RARB: variants seen among roughly 807,000 people sequenced by gnomAD.
RARB encodes the protein HBV-activated protein.
In RARB, 17 loss-of-function variants were observed where a neutral mutation model predicts 51.9. The observed-to-expected ratio is 0.33, with a 90% confidence interval of 0.22 to 0.49. The LOEUF (loss-of-function observed/expected upper bound fraction) is 0.49. Ranked by LOEUF, RARB falls within the 20% of genes least tolerant of loss-of-function variation. RARB has a pLI of 0.99. For synonymous variants in RARB, 215 were observed against 195.4 expected, an observed-to-expected ratio of 1.10 and a Z score of -0.84; for missense variants, 369 against 550.8, an observed-to-expected ratio of 0.67 and a Z score of 3.30.
chr3:25,007,587 T>G (rs1697298641), intron 2 of RARB, among the ~76,000 whole-genome samples: 1 of 22,114 alleles, frequency 4.5e-5, no homozygotes, highest in African/African-American at 4.6e-4. Context: ...AGAGTGAGAC[T>G]GTCTCAAAAA....
intron 5 of RARB, among the ~76,000 whole-genome samples, chr3:25,364,101 T>C (rs951749714): frequency 6.6e-6 from 1 of 152,226 alleles, no homozygotes; most frequent in African/African-American, 2.4e-5. Context: ...TCTTATCTTT[T>C]AGCATACTAT....
rs187130766 is a variant in RARB, at chr3:25,266,538, G to A, written c.178+91963G>A. ...CTGTACAGAAGTTTAAAATTTTTAT[G>A]CCCACATTCCTTGATCCTTTTTATC... On this transcript the variant is annotated intron_variant, in intron 5 of 11. Transcript: ENST00000383772. 4.0e-5 allele frequency among the ~76,000 whole-genome samples: 6 copies of A among 151,840 alleles called. No individual in the cohort carries two copies. The East Asian group carries it at 1.2e-3, about 29-fold the overall frequency.
intron 3 of RARB, among the ~76,000 whole-genome samples, chr3:25,110,654 C>T (rs571333363): frequency 8.7e-4 from 133 of 152,228 alleles, no homozygotes; most frequent in African/African-American, 2.8e-3. Flanking sequence ...GTAATTATGT[C>T]TTATTTCAGG....
chr3:24,981,949 G>A (rs1038793326), intron 2 of RARB, among the ~76,000 whole-genome samples: 1 of 152,202 alleles, frequency 6.6e-6, no homozygotes, highest in Non-Finnish European at 1.5e-5. Flanking sequence ...GATGGTGTTT[G>A]AGTGTCTTGA....
chr3:25,330,759 C>T (rs998600771), intron 5 of RARB, among the ~76,000 whole-genome samples: 5 of 152,106 alleles, frequency 3.3e-5, no homozygotes, highest in African/African-American at 1.2e-4. Flanking sequence ...GTGCTGTATT[C>T]AGGAGACCCA....
intron 4 of RARB, among the ~76,000 whole-genome samples, chr3:25,577,566 T>G (rs1490798802): frequency 6.6e-6 from 1 of 152,184 alleles, no homozygotes; most frequent in African/African-American, 2.4e-5. Context: ...ATTTCTTTAA[T>G]GAAAATTTAC....
rs147917367 is a variant in RARB, at chr3:25,139,381, A to G, written c.-280+7173A>G. Among the ~76,000 whole-genome samples, 5 of 152,288 alleles carry G rather than the reference A, an allele frequency of 3.3e-5. No homozygotes were observed. In the East Asian group the frequency reaches 7.7e-4, roughly 23 times the overall value. On this transcript the variant is annotated intron_variant, in intron 4 of 11. Transcript: ENST00000383772. ...TGCTACTCCAGTGAGCACACTAACA[A>G]TAATAAAATGAAACAGCCTTATTGC... is the stretch of plus-strand genomic sequence containing the variant.
intron 5 of RARB, among the ~76,000 whole-genome samples, chr3:25,258,207 T>C (rs1036839543): frequency 9.2e-5 from 14 of 152,122 alleles, no homozygotes; most frequent in Non-Finnish European, 2.9e-5. Flanking sequence ...AGTAATTCCA[T>C]GTTTCTATGT....
intron 2 of RARB, among the ~76,000 whole-genome samples, chr3:24,951,071 G>A (rs1695881460): frequency 6.6e-6 from 1 of 152,126 alleles, no homozygotes; most frequent in Admixed American, 6.5e-5. Flanking sequence ...ACTTCCCTCT[G>A]GAGAAAATGC....
At chr3:25,279,742 C>G (rs1703476810) in intron 5 of RARB, among the ~76,000 whole-genome samples, 1 of 151,964 alleles carries the variant, frequency 6.6e-6, no homozygotes, top group Admixed American at 6.6e-5. Context: ...TGGTTGAGGA[C>G]TAGTGATATA....
chr3:24,945,477 T>C (rs1695754045), intron 2 of RARB, among the ~76,000 whole-genome samples: 1 of 152,198 alleles, frequency 6.6e-6, no homozygotes, highest in Non-Finnish European at 1.5e-5. Context: ...GACTAGCATA[T>C]CTTGGGGCCC....
At chr3:25,472,195 C>G (rs1695732088) in intron 2 of RARB, among the ~76,000 whole-genome samples, 1 of 152,242 alleles carries the variant, frequency 6.6e-6, no homozygotes, top group African/African-American at 2.4e-5. Context: ...CAGCTCTTGA[C>G]TGGCAGCCTT....
At chr3:25,302,359 C>T (rs1467768311) in intron 5 of RARB, among the ~76,000 whole-genome samples, 1 of 152,136 alleles carries the variant, frequency 6.6e-6, no homozygotes, top group East Asian at 1.9e-4. Context: ...TTGTAAATAA[C>T]CCAAATATTC....
At chr3:24,911,959 A>T (rs1694997150) in intron 2 of RARB, among the ~76,000 whole-genome samples, 1 of 152,206 alleles carries the variant, frequency 6.6e-6, no homozygotes, top group South Asian at 2.1e-4. Context: ...GTGACAACAC[A>T]GTACATAGGA....
At chr3:24,857,036 G>C (rs905504849) in intron 1 of RARB, among the ~76,000 whole-genome samples, 2 of 152,172 alleles carry the variant, frequency 1.3e-5, no homozygotes, top group Admixed American at 6.5e-5. Context: ...TGTGGTCCAT[G>C]ACTGGAGCTG....
chr3:24,931,733 T>A (rs767504110), intron 2 of RARB, among the ~76,000 whole-genome samples: 1 of 152,094 alleles, frequency 6.6e-6, no homozygotes, highest in Non-Finnish European at 1.5e-5. Flanking sequence ...AATTTCATAG[T>A]CTATGATATG....
chr3:25,068,112 C>T (rs192846992), intron 3 of RARB, among the ~76,000 whole-genome samples: 11 of 117,236 alleles, frequency 9.4e-5, no homozygotes, highest in South Asian at 2.9e-4. Flanking sequence ...TCAGCCTGGG[C>T]GACAGAGAGA....
chr3:24,935,093 G>C (rs1034406019), intron 2 of RARB, among the ~76,000 whole-genome samples: 1 of 152,110 alleles, frequency 6.6e-6, no homozygotes, highest in Non-Finnish European at 1.5e-5. Flanking sequence ...AAAGGTGGCT[G>C]TTTATTAATG....
chr3:25,332,078 C>G (rs1396938010), intron 5 of RARB, among the ~76,000 whole-genome samples: 1 of 152,114 alleles, frequency 6.6e-6, no homozygotes, highest in Non-Finnish European at 1.5e-5. Flanking sequence ...GGATTCACAG[C>G]CAAATTCTAC....
Sources: allele counts gnomAD v4.1 joint callset (sites outside exome capture counted in the v4.1 genomes callset), GRCh38; gene constraint gnomAD v4.1.1; transcripts MANE v1.5; gene names NCBI Gene and HGNC (gene_info 2026-07-23, HGNC 2026-07-21).